The following TBX5 variants were observed in gnomAD, a reference collection of about 807,000 sequenced individuals.
TBX5 encodes the protein T-box transcription factor TBX5.
TBX5 carries 8 observed loss-of-function variants against 51.1 expected under a neutral mutation model. The ratio of observed to expected loss-of-function variants is 0.16; its 90% CI spans 0.09 to 0.28. The LOEUF is 0.28. TBX5 is among the 10% of genes least tolerant of loss of function. The pLI is 1.00. For missense variants in TBX5, 589 were observed against 671.7 expected, an observed-to-expected ratio of 0.88 and a Z score of 1.36; for synonymous variants, 302 against 266.4, an observed-to-expected ratio of 1.13 and a Z score of -1.30.
chr12:114,379,234 G>A (rs1231552692), intron 7 of TBX5, among the ~76,000 whole-genome samples: 1 of 152,170 alleles, frequency 6.6e-6, no homozygotes, highest in East Asian at 1.9e-4. Context: ...TGCCTCCCTG[G>A]TGCTTCCTGC....
In TBX5 at chr12:114,366,085, C is replaced by G. The variant is rs114015604; in HGVS notation, c.982+80G>C. The G allele has an allele frequency of 1.2e-3, 1,591 of 1,365,722 alleles. 15 individuals are homozygous for G. The African/African-American group carries it at 0.02, about 17-fold the overall frequency. The allele number at this position is 1,365,722 out of a possible 1,614,324, so 84.6% of individuals were successfully genotyped here. A position where few individuals can be genotyped will look rare whatever the true frequency, so the allele number is the denominator to read the frequency against. On this transcript the variant is annotated intron_variant, in intron 8 of 8. Coordinates refer to ENST00000405440, the MANE Select transcript of TBX5 (RefSeq NM_181486.4). ...AATAAATAAAGTAAATAAATGAATA[C>G]TCCTCACCCCCTCACCCCCAACCCA...
intron 6 of TBX5, among the ~76,000 whole-genome samples, chr12:114,389,962 T>C (rs1871072490): frequency 1.3e-5 from 2 of 151,650 alleles, no homozygotes; most frequent in Admixed American, 1.3e-4. Flanking sequence ...AACAAAAAAT[T>C]GCCCCAAGGA....
At chr12:114,391,601 T>C (rs1871146113) in intron 6 of TBX5, among the ~76,000 whole-genome samples, 1 of 151,956 alleles carries the variant, frequency 6.6e-6, no homozygotes, top group Admixed American at 6.6e-5. Context: ...GGAAATGGAG[T>C]TAAGTCATTT....
chr12:114,408,228 T>G (rs1872350609), upstream of TBX5: 1 of 985,138 alleles, frequency 1.0e-6, no homozygotes, highest in African/African-American at 1.7e-5. Context: ...TCCGGACGTC[T>G]TGGCCCCGGG....
At position 114,403,908 on chromosome 12, in the gene TBX5, A is replaced by G. The variant is rs1269927730; in HGVS notation, c.-10T>C. 2.5e-6 allele frequency: 4 copies of G among 1,610,098 alleles called. No individual in the cohort carries two copies. The African/African-American group carries it at 5.4e-5, about 22-fold the overall frequency. On this transcript the variant is annotated 5_prime_UTR_variant, in exon 2 of 9. Transcript: ENST00000405440. ...CGTCTGCGTCGGCCATGGTGCGCCCAGGGCCCTGTGCCCGCGCAAGGTTCT... is the reference window on the plus strand; with the variant it reads ...CGTCTGCGTCGGCCATGGTGCGCCCGGGGCCCTGTGCCCGCGCAAGGTTCT...
At chr12:114,357,023 GAT>G (rs879602169) in intron 8 of TBX5, among the ~76,000 whole-genome samples, 16,041 of 113,068 alleles carry the variant, frequency 0.14, 984 homozygotes, top group South Asian at 0.23. Flanking sequence ...TGGATGGATG[GAT>G]GGATGCATGG....
intron 7 of TBX5, among the ~76,000 whole-genome samples, chr12:114,378,262 G>A (rs868864119): frequency 2.0e-5 from 3 of 152,150 alleles, no homozygotes; most frequent in African/African-American, 7.2e-5. Context: ...AAGAAATACC[G>A]AGATGAAGGA....
intron 7 of TBX5, among the ~76,000 whole-genome samples, chr12:114,373,189 T>A (rs1241877445): frequency 1.3e-5 from 2 of 152,158 alleles, no homozygotes; most frequent in Non-Finnish European, 2.9e-5. Flanking sequence ...TTGCATTGGC[T>A]ACTCAAAAAG....
intron 7 of TBX5, among the ~76,000 whole-genome samples, chr12:114,367,578 G>A (rs1284480870): frequency 6.6e-6 from 1 of 151,806 alleles, no homozygotes; most frequent in East Asian, 1.9e-4. Flanking sequence ...AAGAAGGAAA[G>A]TCGTGCTGTG....
rs370842887 is a variant in TBX5 at position 114,399,068 on chromosome 12, G to A, written c.363-348C>T. Among the ~76,000 whole-genome samples, 75 of 152,286 alleles carry A rather than the reference G, an allele frequency of 4.9e-4. No individual in the cohort carries two copies. The East Asian group carries it at 0.01, about 21-fold the overall frequency. ...AGGCCCCTGCACTGCTGGCAGCCAT[G>A]GGAACGATTCTACCCAAGAAATGGG... On this transcript the variant is annotated intron_variant, in intron 4 of 8. Transcript: ENST00000405440.
At position 114,358,781 on chromosome 12, in the gene TBX5, G is replaced by T. The variant is rs755883468; in HGVS notation, c.983-2675C>A. On this transcript the variant is annotated intron_variant, in intron 8 of 8. Transcript: ENST00000405440. ...CTTTTAACTGTGCGGGGTTTTTTTT[G>T]TTTGTTTGTTTGTTTGTTTGTTTGT... Among the ~76,000 whole-genome samples the T allele has an allele frequency of 5.5e-3, 420 of 76,776 alleles. 1 individual carries two copies. Among genetic ancestry groups the T allele is most frequent in the Admixed American group, 0.01 (85 of 8,306 alleles). 50.4% of individuals were successfully genotyped at this position (76,776 alleles called of 152,430 possible).
chr12:114,376,123 TA>T (rs1188790604), intron 7 of TBX5, among the ~76,000 whole-genome samples: 1 of 152,096 alleles, frequency 6.6e-6, no homozygotes, highest in East Asian at 1.9e-4. Context: ...CTCTTCTAGA[TA>T]TACACCCAAA....
At chr12:114,363,189 G>C (rs887359416) in intron 8 of TBX5, among the ~76,000 whole-genome samples, 16 of 152,158 alleles carry the variant, frequency 1.1e-4, no homozygotes, top group Admixed American at 1.3e-4. Flanking sequence ...AGATAGTTGA[G>C]GCCCAGAAAG....
intron 6 of TBX5, among the ~76,000 whole-genome samples, chr12:114,392,243 A>G (rs1281050788): frequency 6.6e-6 from 1 of 152,046 alleles, no homozygotes; most frequent in Non-Finnish European, 1.5e-5. Flanking sequence ...ATTCATGCAC[A>G]TCAATCACTA....
intron 7 of TBX5, among the ~76,000 whole-genome samples, chr12:114,374,054 C>T (rs1476383932): frequency 1.3e-5 from 2 of 152,206 alleles, no homozygotes; most frequent in African/African-American, 4.8e-5. Context: ...ATGTGGAGGC[C>T]ACTGATGATC....
chr12:114,382,479 C>G (rs1870557274), intron 7 of TBX5, among the ~76,000 whole-genome samples: 1 of 152,164 alleles, frequency 6.6e-6, no homozygotes, highest in Non-Finnish European at 1.5e-5. Flanking sequence ...GCCTAGGCAG[C>G]ATGGTGAAAC....
intron 7 of TBX5, among the ~76,000 whole-genome samples, chr12:114,382,458 G>T (rs114558292): frequency 0.023 from 3,448 of 152,278 alleles, 50 homozygotes; most frequent in Non-Finnish European, 0.03. Flanking sequence ...GAGTCCAGGG[G>T]TTCTAGGCCA....
chr12:114,388,675 CGTGTGTGTGTGT>C (rs59385091), intron 6 of TBX5, among the ~76,000 whole-genome samples: 122 of 124,404 alleles, frequency 9.8e-4, no homozygotes, highest in African/African-American at 1.6e-3. Context: ...TTAAAGTATC[CGTGTGTGTGTGT>C]GTGTGTGTGT....
chr12:114,376,244 T>C (rs1044692257), intron 7 of TBX5, among the ~76,000 whole-genome samples: 2 of 150,146 alleles, frequency 1.3e-5, no homozygotes, highest in Admixed American at 6.7e-5. Flanking sequence ...AGTGGATGAA[T>C]GGATAAAGAA....
Sources: gnomAD v4.1 joint callset for allele counts (sites outside exome capture counted in the v4.1 genomes callset) on GRCh38, gnomAD v4.1.1 for gene constraint, MANE v1.5 for transcripts, NCBI Gene and HGNC (gene_info 2026-07-23, HGNC 2026-07-21) for gene names.